Variants in PDE10A observed in about 807,000 individuals in gnomAD.
PDE10A encodes the protein cAMP and cAMP-inhibited cGMP 3',5'-cyclic phosphodiesterase 10A.
A neutral mutation model predicts 97.7 loss-of-function variants in PDE10A; 39 were observed. The observed-to-expected ratio is 0.40, with a 90% CI of 0.31 to 0.52. PDE10A has a LOEUF of 0.52. PDE10A is among the 20% of genes least tolerant of loss of function. The pLI, the probability that PDE10A is intolerant of heterozygous loss-of-function variation, is 0.56. For synonymous variants in PDE10A, 371 were observed against 376.8 expected (o/e 0.98, Z 0.18); for missense variants, 731 against 1,047.8 (o/e 0.70, Z 4.17).
chr6:165,605,618 T>C (rs761666281), intron 1 of PDE10A, among the ~76,000 whole-genome samples: 5 of 152,180 alleles, frequency 3.3e-5, no homozygotes, highest in Non-Finnish European at 7.3e-5. Flanking sequence ...CTCCTTCCTT[T>C]GTGCTCTCGG....
intron 21 of PDE10A, 40 bp from the exon 22 acceptor site, chr6:165,333,167 A>G: frequency 8.1e-7 from 1 of 1,238,124 alleles, no homozygotes; most frequent in Non-Finnish European, 1.2e-6. Flanking sequence ...AGCTGAATAA[A>G]GGATTTCTGG....
At chr6:165,482,089 C>T (rs115032589) in intron 3 of PDE10A, among the ~76,000 whole-genome samples, 25 of 152,330 alleles carry the variant, frequency 1.6e-4, no homozygotes, top group African/African-American at 5.8e-4. Flanking sequence ...CCCATAGGCA[C>T]GTGCAGCCGA....
chr6:165,519,366 A>G (rs1782001706), intron 2 of PDE10A, among the ~76,000 whole-genome samples: 1 of 152,188 alleles, frequency 6.6e-6, no homozygotes, highest in Non-Finnish European at 1.5e-5. Context: ...TTCTAAAACC[A>G]ATGGCATCAC....
At chr6:165,634,961 T>C (rs972713438) in intron 1 of PDE10A, among the ~76,000 whole-genome samples, 1 of 152,204 alleles carries the variant, frequency 6.6e-6, no homozygotes, top group East Asian at 1.9e-4. Flanking sequence ...TAAGCATTTA[T>C]ATAGCGACCA....
rs546936333 is a variant in PDE10A, at chr6:165,721,121, C to T, written c.-614-177553G>A. On this transcript the variant is annotated intron_variant, in intron 1 of 19. Coordinates refer to the PDE10A transcript ENST00000366882. ...TCAAATCAGGATAAAGAAGGATTTA[C>T]GAATTCCGGTTGTGGTATTCAAAAG... Among the ~76,000 whole-genome samples the T allele has an allele frequency of 1.8e-4, 27 of 152,276 alleles. No individual in the cohort carries two copies. In the South Asian group the frequency reaches 4.1e-3, roughly 23 times the overall value.
At chr6:165,658,032 T>C (rs1790052788) in intron 1 of PDE10A, among the ~76,000 whole-genome samples, 2 of 152,220 alleles carry the variant, frequency 1.3e-5, no homozygotes, top group Admixed American at 1.3e-4. Context: ...CAAGTATCTG[T>C]GAGTTAGCTG....
chr6:165,570,842 C>T (rs1269005277), intron 1 of PDE10A, among the ~76,000 whole-genome samples: 1 of 152,168 alleles, frequency 6.6e-6, no homozygotes, highest in Non-Finnish European at 1.5e-5. Context: ...TTGACCAATG[C>T]TTGCTCCTAT....
intron 2 of PDE10A, among the ~76,000 whole-genome samples, chr6:165,510,714 G>T (rs1781459959): frequency 6.6e-6 from 1 of 151,978 alleles, no homozygotes; most frequent in South Asian, 2.1e-4. Flanking sequence ...CTAGTTATTG[G>T]TCTATTCAGG....
Position 165,553,719 on chromosome 6 carries a change from G to GT in PDE10A, c.866-10152dup, listed in dbSNP as rs1784123277. On this transcript the variant is annotated intron_variant, in intron 1 of 21. Coordinates refer to ENST00000539869, the MANE Select transcript of PDE10A (RefSeq NM_001385079.1). ...ATCAGAAGATAAATTCCATACTGCT[G>GT]TATTTCTAAACCAAAGTGAAATTAA... Among the ~76,000 whole-genome samples, 3 of 152,250 alleles carry GT rather than the reference G, an allele frequency of 2.0e-5. No individual in the cohort carries two copies. The South Asian group carries it at 6.2e-4, about 32-fold the overall frequency.
intron 1 of PDE10A, among the ~76,000 whole-genome samples, chr6:165,587,893 C>T (rs976679279): frequency 2.0e-5 from 3 of 152,190 alleles, no homozygotes; most frequent in Admixed American, 6.5e-5. Flanking sequence ...ACACTGCTGA[C>T]AGATGACTGT....
At chr6:165,761,447 C>A (rs186201592) in intron 1 of PDE10A, among the ~76,000 whole-genome samples, 143 of 152,162 alleles carry the variant, frequency 9.4e-4, no homozygotes, top group African/African-American at 3.1e-3. Context: ...CCCCTCCATG[C>A]GGGTCACCCA....
intron 1 of PDE10A, among the ~76,000 whole-genome samples, chr6:165,562,150 CATT>C (rs1784553135): frequency 6.6e-6 from 1 of 151,908 alleles, no homozygotes; most frequent in Non-Finnish European, 1.5e-5. Flanking sequence ...GCATGACCAT[CATT>C]AGTTTACTAG....
At chr6:165,914,764 G>A (rs1446718825) in intron 1 of PDE10A, among the ~76,000 whole-genome samples, 1 of 152,218 alleles carries the variant, frequency 6.6e-6, no homozygotes, top group African/African-American at 2.4e-5. Flanking sequence ...CTCATAAATG[G>A]TGTCACACAC....
intron 1 of PDE10A, among the ~76,000 whole-genome samples, chr6:165,880,131 C>A (rs375111660): frequency 3.9e-5 from 6 of 152,256 alleles, no homozygotes; most frequent in African/African-American, 1.4e-4. Flanking sequence ...CTGTACAGCA[C>A]TTGAGGGCTG....
At chr6:165,424,591 T>C (rs772903450) in intron 10 of PDE10A, among the ~76,000 whole-genome samples, 9 of 152,142 alleles carry the variant, frequency 5.9e-5, no homozygotes, top group Non-Finnish European at 8.8e-5. Context: ...TAGAAAAGAA[T>C]GGAACATTTC....
intron 1 of PDE10A, among the ~76,000 whole-genome samples, chr6:165,876,689 C>G (rs543803701): frequency 6.6e-6 from 1 of 152,204 alleles, no homozygotes; most frequent in Non-Finnish European, 1.5e-5. Context: ...CCTGCAGCCT[C>G]CCAGTTCTCT....
At chr6:165,846,524 C>G (rs1208906894) in intron 1 of PDE10A, among the ~76,000 whole-genome samples, 1 of 152,222 alleles carries the variant, frequency 6.6e-6, no homozygotes, top group Non-Finnish European at 1.5e-5. Context: ...AGCGGCTCCG[C>G]GTGCTTTCAT....
At chr6:165,376,605 G>A (rs1027776405) in intron 18 of PDE10A, among the ~76,000 whole-genome samples, 7 of 152,140 alleles carry the variant, frequency 4.6e-5, no homozygotes, top group African/African-American at 7.2e-5. Context: ...CTTCACTCTC[G>A]TCATATTTTA....
chr6:165,400,458 C>G (rs1262566592), intron 13 of PDE10A, among the ~76,000 whole-genome samples: 1 of 152,072 alleles, frequency 6.6e-6, no homozygotes, highest in Non-Finnish European at 1.5e-5. Context: ...ATGAAAATGA[C>G]CTGTATCCAG....
Sources: allele counts gnomAD v4.1 joint callset (sites outside exome capture counted in the v4.1 genomes callset), GRCh38; gene constraint gnomAD v4.1.1; transcripts MANE v1.5; gene names NCBI Gene and HGNC (gene_info 2026-07-23, HGNC 2026-07-21).